CSMD1: variants seen among roughly 807,000 people sequenced by gnomAD.
The protein encoded by CSMD1 is CUB and sushi domain-containing protein 1.
A neutral mutation model predicts 417.5 loss-of-function variants in CSMD1; 213 were observed. That is an observed-to-expected ratio of 0.51 (90% CI 0.46 to 0.57). CSMD1 has a LOEUF of 0.57. Ranked by LOEUF, CSMD1 falls within the 20% of genes least tolerant of loss-of-function variation. The probability of loss-of-function intolerance (pLI) is 0.00; values close to 1 mark genes in which losing one functional copy is unlikely to be tolerated. For synonymous variants in CSMD1, 2,862 were observed against 1,736.8 expected (o/e 1.65, Z -16.11); for missense variants, 6,923 against 4,529.7 (o/e 1.53, Z -15.17).
chr8:3,631,730 G>C (rs1400499186), intron 7 of CSMD1, among the ~76,000 whole-genome samples: 1 of 152,210 alleles, frequency 6.6e-6, no homozygotes, highest in Non-Finnish European at 1.5e-5. Context: ...AAAACTCTCT[G>C]AGAATAGCAT....
At chr8:3,293,538 T>G (rs1043614380) in intron 25 of CSMD1, among the ~76,000 whole-genome samples, 1 of 152,206 alleles carries the variant, frequency 6.6e-6, no homozygotes, top group Admixed American at 6.5e-5. Context: ...TTTATTCTTT[T>G]TTTCTCTAAA....
intron 3 of CSMD1, among the ~76,000 whole-genome samples, chr8:4,133,919 A>C (rs1368185783): frequency 6.6e-6 from 1 of 152,254 alleles, no homozygotes; most frequent in Non-Finnish European, 1.5e-5. Context: ...CCAGGGAAAC[A>C]GAATAAAATC....
chr8:4,849,130 T>C (rs183788516), intron 1 of CSMD1, among the ~76,000 whole-genome samples: 1 of 152,290 alleles, frequency 6.6e-6, no homozygotes, highest in East Asian at 1.9e-4. Flanking sequence ...AAGTCTAGGC[T>C]AATGTGCGTT....
chr8:4,259,665 G>T, intron 3 of CSMD1, among the ~76,000 whole-genome samples: 1 of 151,916 alleles, frequency 6.6e-6, no homozygotes, highest in East Asian at 1.9e-4. Context: ...TCCCCTACTG[G>T]CAGTACTGGG....
chr8:3,940,283 C>A (rs377293456), intron 5 of CSMD1, among the ~76,000 whole-genome samples: 1 of 151,914 alleles, frequency 6.6e-6, no homozygotes, highest in Non-Finnish European at 1.5e-5. Flanking sequence ...TAATGATAGA[C>A]ATTTTAGGGT....
intron 3 of CSMD1, among the ~76,000 whole-genome samples, chr8:4,292,820 C>A (rs1339036624): frequency 6.6e-6 from 1 of 152,026 alleles, no homozygotes; most frequent in South Asian, 2.1e-4. Context: ...AAAGATTTAC[C>A]TAAGAGTCAG....
Position 2,936,849 on chromosome 8 carries a change from C to G in CSMD1, c.*1736G>C, listed in dbSNP as rs1265781260. The G allele has an allele frequency of 6.6e-6, 1 of 152,184 alleles. No homozygotes were observed. Among genetic ancestry groups the G allele is most frequent in the Non-Finnish European group, 1.5e-5 (1 of 68,046 alleles). 9.4% of individuals were successfully genotyped at this position (152,184 alleles called of 1,614,324 possible). A position where few individuals can be genotyped will look rare whatever the true frequency, so the allele number is the denominator to read the frequency against. ...GTCCTACATGGAAACCTTCAGTACA[C>G]CAACAGATAAATCAGTCTTAAAGCT... is the stretch of plus-strand genomic sequence containing the variant. On this transcript the variant is annotated 3_prime_UTR_variant, in exon 70 of 70. Transcript: ENST00000635120.
intron 11 of CSMD1, among the ~76,000 whole-genome samples, chr8:3,471,334 T>C (rs892424597): frequency 2.0e-5 from 3 of 152,198 alleles, no homozygotes; most frequent in African/African-American, 4.8e-5. Flanking sequence ...TCTTGATATA[T>C]TGTAGTACAG....
intron 3 of CSMD1, among the ~76,000 whole-genome samples, chr8:4,105,879 C>T (rs1585323853): frequency 6.6e-6 from 1 of 152,336 alleles, no homozygotes; most frequent in East Asian, 1.9e-4. Flanking sequence ...GCAGACAGGA[C>T]ACAGCTCGGC....
At chr8:3,839,718 T>G (rs2129093355) in intron 5 of CSMD1, among the ~76,000 whole-genome samples, 1 of 150,672 alleles carries the variant, frequency 6.6e-6, no homozygotes, top group East Asian at 1.9e-4. Flanking sequence ...AACAAGTCTC[T>G]TTAAAGCACT....
At chr8:3,288,378 C>A (rs1269251767) in intron 25 of CSMD1, among the ~76,000 whole-genome samples, 1 of 147,032 alleles carries the variant, frequency 6.8e-6, no homozygotes, top group Non-Finnish European at 1.5e-5. Context: ...GGAATGGTAC[C>A]AGCTCCTCCT....
intron 3 of CSMD1, among the ~76,000 whole-genome samples, chr8:4,347,106 T>G (rs1800817354): frequency 6.6e-6 from 1 of 152,170 alleles, no homozygotes; most frequent in African/African-American, 2.4e-5. Flanking sequence ...AGAAGTTACT[T>G]TTTCTCCAAG....
intron 2 of CSMD1, among the ~76,000 whole-genome samples, chr8:4,587,225 T>C (rs1799745687): frequency 6.6e-6 from 1 of 152,182 alleles, no homozygotes; most frequent in Non-Finnish European, 1.5e-5. Flanking sequence ...ATGAGTTTTC[T>C]CCACTTGTCT....
At chr8:4,346,731 G>C (rs1176042473) in intron 3 of CSMD1, among the ~76,000 whole-genome samples, 1 of 152,002 alleles carries the variant, frequency 6.6e-6, no homozygotes, top group Admixed American at 6.6e-5. Context: ...TTATATTTTA[G>C]ATATAAAAAT....
At chr8:4,090,064 C>T (rs983805184) in intron 3 of CSMD1, among the ~76,000 whole-genome samples, 2 of 152,162 alleles carry the variant, frequency 1.3e-5, no homozygotes, top group South Asian at 2.1e-4. Flanking sequence ...TGTAAATTTT[C>T]GAATGAGCAA....
chr8:4,138,924 C>A (rs1286397194), intron 3 of CSMD1, among the ~76,000 whole-genome samples: 1 of 152,120 alleles, frequency 6.6e-6, no homozygotes, highest in Non-Finnish European at 1.5e-5. Flanking sequence ...CTGCAAGCTT[C>A]TATTTATTTG....
In CSMD1 at chr8:4,248,750, C is replaced by T. The variant is rs564810495; in HGVS notation, c.415+171203G>A. Reference sequence around the variant, plus strand: ...ATCTCTATCAACTGACATTACATTACACTTATTAAGCGCATGGTTTACTGT... The same window carrying T: ...ATCTCTATCAACTGACATTACATTATACTTATTAAGCGCATGGTTTACTGT... On this transcript the variant is annotated intron_variant, in intron 3 of 69. Coordinates refer to ENST00000635120, the MANE Select transcript of CSMD1 (RefSeq NM_033225.6). Among the ~76,000 whole-genome samples the T allele has an allele frequency of 4.3e-4, 66 of 152,234 alleles. No individual in the cohort carries two copies. In the Middle Eastern group the frequency reaches 0.014, roughly 31 times the overall value.
At position 3,139,821 on chromosome 8, in the gene CSMD1, T is replaced by C. The variant is rs183846186; in HGVS notation, c.6241+2644A>G. ...GAAATAGAAAATATTCTCTAAATAA[T>C]GTCTCTGAAATAGTAGGAAGAGAGG... On this transcript the variant is annotated intron_variant, in intron 41 of 69. Coordinates refer to ENST00000635120, the MANE Select transcript of CSMD1 (RefSeq NM_033225.6). 2.6e-5 allele frequency among the ~76,000 whole-genome samples: 4 copies of C among 152,226 alleles called. No homozygotes were observed. The East Asian group carries it at 5.8e-4, about 22-fold the overall frequency.
intron 25 of CSMD1, among the ~76,000 whole-genome samples, chr8:3,299,641 A>G (rs1804240755): frequency 6.6e-6 from 1 of 152,136 alleles, no homozygotes; most frequent in Admixed American, 6.6e-5. Flanking sequence ...TTGTCCAGCC[A>G]AGAGAAAGCA....
Sources: allele counts gnomAD v4.1 joint callset (sites outside exome capture counted in the v4.1 genomes callset), GRCh38; gene constraint gnomAD v4.1.1; transcripts MANE v1.5; gene names NCBI Gene and HGNC (gene_info 2026-07-23, HGNC 2026-07-21).